ZNF518A: variants seen among roughly 807,000 people sequenced by gnomAD.
ZNF518A encodes the protein zinc finger protein 518.
A neutral mutation model predicts 102.7 loss-of-function variants in ZNF518A; 47 were observed. That is an observed-to-expected ratio of 0.46 (90% confidence interval 0.36 to 0.58). ZNF518A has a LOEUF of 0.58. Among genes scored for constraint, ZNF518A ranks in the 20% least tolerant of loss-of-function variants. The probability of loss-of-function intolerance (pLI) is 0.00; values close to 1 mark genes in which losing one functional copy is unlikely to be tolerated. For missense variants in ZNF518A, 1,793 were observed against 1,699.8 expected (o/e 1.05, Z -0.96); for synonymous variants, 652 against 594.6 (o/e 1.10, Z -1.40).
At chr10:96,132,507 A>G (rs1268753874) in intron 1 of ZNF518A, 79 bp from the exon 2 acceptor site, 1 of 117,900 alleles carries the variant, frequency 8.5e-6, no homozygotes, top group African/African-American at 3.3e-5. Flanking sequence ...ACATTTCTTT[A>G]TACACCTAAG....
At chr10:96,203,064 C>T (rs2083689329) in intron 1 of ZNF518A, among the ~76,000 whole-genome samples, 1 of 152,194 alleles carries the variant, frequency 6.6e-6, no homozygotes, top group Non-Finnish European at 1.5e-5. Context: ...TTTTTACTCT[C>T]TGTCTCCTTC....
chr10:96,180,180 CTTT>C lies in ZNF518A; in HGVS notation n.36-23372_36-23370del, dbSNP rs60561670. 0.035 allele frequency among the ~76,000 whole-genome samples: 3,380 copies of C among 96,222 alleles called. 441 individuals are homozygous for C. The East Asian group carries it at 0.48, about 14-fold the overall frequency. 63.1% of individuals were successfully genotyped at this position (96,222 alleles called of 152,430 possible). ...CAGGCATGAACCACAGCTCCAGCCTCTTTTTTTTTTTTTTTTTTTTTTTTAATA... is the reference window on the plus strand; with the variant it reads ...CAGGCATGAACCACAGCTCCAGCCTCTTTTTTTTTTTTTTTTTTTTTAATA... On this transcript the variant is annotated intron_variant and non_coding_transcript_variant, in intron 1 of 2. Coordinates refer to the ZNF518A transcript ENST00000442635.
At chr10:96,136,668 TG>T (rs1384906276) in intron 3 of ZNF518A, among the ~76,000 whole-genome samples, 1 of 151,706 alleles carries the variant, frequency 6.6e-6, no homozygotes, top group Non-Finnish European at 1.5e-5. Flanking sequence ...TAAAAAAAAA[TG>T]TTTTTAAAGA....
downstream of ZNF518A, among the ~76,000 whole-genome samples, chr10:96,164,173 T>G (rs1554889520): frequency 6.6e-6 from 1 of 152,192 alleles, no homozygotes; most frequent in African/African-American, 2.4e-5. Flanking sequence ...GTTCTTGGGG[T>G]GGGAGAAAAT....
chr10:96,185,199 C>T (rs1217137813), intron 1 of ZNF518A, among the ~76,000 whole-genome samples: 3 of 152,154 alleles, frequency 2.0e-5, no homozygotes, highest in Non-Finnish European at 2.9e-5. Flanking sequence ...GTTAGCCATT[C>T]GTCTAATCTT....
chr10:96,139,489 A>G (rs1298423430), intron 3 of ZNF518A, among the ~76,000 whole-genome samples: 3 of 152,118 alleles, frequency 2.0e-5, no homozygotes, highest in Non-Finnish European at 4.4e-5. Flanking sequence ...GAAGATGGCC[A>G]CCTGTGAACC....
At chr10:96,153,959 C>G (rs1473857822) in intron 3 of ZNF518A, among the ~76,000 whole-genome samples, 7 of 152,132 alleles carry the variant, frequency 4.6e-5, no homozygotes, top group African/African-American at 1.4e-4. Flanking sequence ...TTTTCACAAC[C>G]ATTTTGACTC....
chr10:96,189,615 T>C, intron 1 of ZNF518A: 1 of 701,702 alleles, frequency 1.4e-6, no homozygotes, highest in Non-Finnish European at 2.7e-6. Flanking sequence ...GTGTTTTCTA[T>C]TCTGATTTGA....
intron 1 of ZNF518A, among the ~76,000 whole-genome samples, chr10:96,181,663 G>A (rs1425238037): frequency 6.6e-6 from 1 of 152,142 alleles, no homozygotes; most frequent in Non-Finnish European, 1.5e-5. Flanking sequence ...GATGTGTGGT[G>A]TTATTTCTGA....
At chr10:96,148,452 T>C (rs1477732168) in intron 3 of ZNF518A, among the ~76,000 whole-genome samples, 1 of 151,968 alleles carries the variant, frequency 6.6e-6, no homozygotes, top group African/African-American at 2.4e-5. Context: ...AAAAAAAAAA[T>C]GTTTTGTCTT....
chr10:96,196,819 T>G (rs915483450), intron 1 of ZNF518A: 1 of 1,310,956 alleles, frequency 7.6e-7, no homozygotes, highest in Non-Finnish European at 1.1e-6. Flanking sequence ...TTGTATCCTT[T>G]CTCCTCATCT....
chr10:96,201,379 A>AACAT (rs1211316279), intron 1 of ZNF518A, among the ~76,000 whole-genome samples: 1 of 152,254 alleles, frequency 6.6e-6, no homozygotes, highest in Non-Finnish European at 1.5e-5. Flanking sequence ...ATGTTGCAGT[A>AACAT]ACATACATTA....
chr10:96,159,490 G>A lies in ZNF518A; in HGVS notation c.3168G>A (p.Thr1056=), dbSNP rs906583573. 8 of 1,613,664 alleles carry A rather than the reference G, an allele frequency of 5.0e-6. No homozygotes were observed. Among genetic ancestry groups the A allele is most frequent in the East Asian group, 2.2e-5 (1 of 44,900 alleles). The change falls in exon 6 of 6, where the codon ACG becomes ACA. Residue 1056 remains threonine, a synonymous_variant. Coordinates refer to ENST00000316045, the MANE Select transcript of ZNF518A (RefSeq NM_001330736.2). ...AAGGCCCTTACATTTTGAAACCAAC[G>A]AGTTCTGTGAAAGCTGTTCTTATTC... is the stretch of plus-strand genomic sequence containing the variant. ...PLKGPYILKP[T]SSVKAVLIPN...
chr10:96,147,206 C>T (rs1554878799), intron 3 of ZNF518A, among the ~76,000 whole-genome samples: 2 of 152,190 alleles, frequency 1.3e-5, no homozygotes, highest in Admixed American at 6.5e-5. Flanking sequence ...AGATGAGAAT[C>T]TGGGCCAGGC....
rs184481302 is a variant in ZNF518A, at chr10:96,201,090, T to C, written n.36-2484T>C. ...GGGATCAGAAAAGTCCTTCAATTAA[T>C]CTTCATATTTCTTGAACTCTTTCTA... On this transcript the variant is annotated intron_variant and non_coding_transcript_variant, in intron 1 of 2. Coordinates refer to the ZNF518A transcript ENST00000442635. 3.4e-4 allele frequency: 526 copies of C among 1,570,072 alleles called. 2 individuals carry two copies. In the African/African-American group the frequency reaches 6.2e-3, roughly 18 times the overall value.
chr10:96,158,548 G>A lies in ZNF518A; in HGVS notation c.2226G>A (p.Glu742=). Residue 742 remains glutamate (E), a synonymous_variant, in exon 6 of 6, where the codon GAG becomes GAA. Transcript: ENST00000316045. ...ACAGTAATGAAAATCAAAATTTAGA[G>A]TGTGCGACTGAAAAATCTAAATGGG... ...NLYSNENQNL[E]CATEKSKWED... is the part of the protein sequence containing the mutation. The A allele has an allele frequency of 7.4e-6, 12 of 1,612,960 alleles. No individual in the cohort carries two copies. Among genetic ancestry groups the A allele is most frequent in the Non-Finnish European group, 1.0e-5 (12 of 1,179,572 alleles).
chr10:96,174,476 C>G (rs2083191669), intron 1 of ZNF518A, among the ~76,000 whole-genome samples: 1 of 151,984 alleles, frequency 6.6e-6, no homozygotes, highest in Non-Finnish European at 1.5e-5. Flanking sequence ...AAAGAGTGGA[C>G]AATACTACTG....
In ZNF518A at chr10:96,146,246, T is replaced by C. The variant is rs868917294; in HGVS notation, c.-301-9080T>C. ...ATTGGTGGACACTTATTTTTAATTTTGTGATTTTATAAACGATGGCACAAA... is the reference window on the plus strand; with the variant it reads ...ATTGGTGGACACTTATTTTTAATTTCGTGATTTTATAAACGATGGCACAAA... On this transcript the variant is annotated intron_variant, in intron 3 of 5. Transcript: ENST00000316045. Among the ~76,000 whole-genome samples, 33 of 152,360 alleles carry C rather than the reference T, an allele frequency of 2.2e-4. 1 individual carries two copies. Among genetic ancestry groups the C allele is most frequent in the Middle Eastern group, 6.8e-3 (2 of 294 alleles).
At chr10:96,174,592 C>G (rs2083192309) in intron 1 of ZNF518A, among the ~76,000 whole-genome samples, 3 of 152,068 alleles carry the variant, frequency 2.0e-5, no homozygotes, top group Admixed American at 2.0e-4. Flanking sequence ...GATACAAAAA[C>G]TATTTTAAAA....
Sources: allele counts gnomAD v4.1 joint callset (sites outside exome capture counted in the v4.1 genomes callset), GRCh38; gene constraint gnomAD v4.1.1; transcripts MANE v1.5; gene names NCBI Gene and HGNC (gene_info 2026-07-23, HGNC 2026-07-21).